Variants in PLEKHG4B observed in about 807,000 individuals in gnomAD.
PLEKHG4B encodes pleckstrin homology and RhoGEF domain containing G4B, also known as pleckstrin homology domain-containing family G member 4B.
A neutral mutation model predicts 121.3 loss-of-function variants in PLEKHG4B; 111 were observed. The observed-to-expected ratio is 0.92, with a 90% CI of 0.78 to 1.07. The LOEUF is 1.07. PLEKHG4B is among the 50% of genes least tolerant of loss of function. PLEKHG4B has a pLI of 0.00. For synonymous variants in PLEKHG4B, 738 were observed against 725.0 expected (o/e 1.02, Z -0.29); for missense variants, 1,831 against 1,757.8 (o/e 1.04, Z -0.74).
chr5:146,721 C>T (rs1006350075), intron 6 of PLEKHG4B, among the ~76,000 whole-genome samples: 1 of 140,072 alleles, frequency 7.1e-6, no homozygotes, highest in African/African-American at 2.7e-5. Flanking sequence ...CCCTGCGGCC[C>T]TCCCTTCCTC....
chr5:132,913 T>A (rs925300997), intron 2 of PLEKHG4B, among the ~76,000 whole-genome samples: 14 of 152,200 alleles, frequency 9.2e-5, no homozygotes, highest in Non-Finnish European at 1.6e-4. Context: ...GGATTGTTTT[T>A]TCTACTTCTG....
chr5:182,831 C>G lies in PLEKHG4B; in HGVS notation c.*508C>G, dbSNP rs1733461797. On this transcript the variant is annotated 3_prime_UTR_variant, in exon 20 of 20. Coordinates refer to ENST00000637938, the MANE Select transcript of PLEKHG4B (RefSeq NM_052909.5). The stretch of plus-strand genomic sequence containing the variant: ...CAGGTCAGAGTGCCAGAGAGAGATG[C>G]CTGCATGGGGAAAGACTCACCAGAT... 1 of 165,284 alleles carries G rather than the reference C, an allele frequency of 6.1e-6. No individual in the cohort carries two copies. The highest frequency in any genetic ancestry group is 1.5e-4 in the South Asian group (1 of 6,680). 10.2% of individuals were successfully genotyped at this position (165,284 alleles called of 1,614,324 possible).
rs771370975 is a variant in PLEKHG4B at position 171,158 on chromosome 5, C to T, written c.3819+26C>T. 5 of 1,608,800 alleles carry T rather than the reference C, an allele frequency of 3.1e-6. No homozygotes were observed. The Admixed American group carries it at 5.0e-5, about 16-fold the overall frequency. ...GTCATCCCCCTCGGCCCGCCCCCCA[C>T]AGCCTGCCCGGCCCTCAGCCAGGCC... On this transcript the variant is annotated intron_variant, in intron 15 of 19. Transcript: ENST00000637938.
At chr5:170,726 C>A (rs970535803) in intron 14 of PLEKHG4B, among the ~76,000 whole-genome samples, 2 of 152,168 alleles carry the variant, frequency 1.3e-5, no homozygotes, top group African/African-American at 2.4e-5. Flanking sequence ...CAATGCCCCC[C>A]ACGCCCTCCC....
rs566470722 is a variant in PLEKHG4B at position 147,148 on chromosome 5, G to A, written c.1905+2228G>A. Among the ~76,000 whole-genome samples the A allele has an allele frequency of 3.3e-5, 5 of 152,346 alleles. No homozygotes were observed. In the East Asian group the frequency reaches 7.7e-4, roughly 24 times the overall value. ...GGTCAGGAAGGAGTCACTGGGAGGA[G>A]AGAGCACAGGCCGAGGTCCAGACAA... On this transcript the variant is annotated intron_variant, in intron 6 of 19. Coordinates refer to ENST00000637938, the MANE Select transcript of PLEKHG4B (RefSeq NM_052909.5).
intron 2 of PLEKHG4B, among the ~76,000 whole-genome samples, chr5:134,765 CAA>C (rs147226236): frequency 1.4e-4 from 12 of 84,664 alleles, no homozygotes; most frequent in African/African-American, 2.1e-4. Context: ...GACTCTGTCT[CAA>C]AAAAAAAAAA....
chr5:179,433 C>T (rs1371832686), intron 18 of PLEKHG4B: 1 of 152,674 alleles, frequency 6.5e-6, no homozygotes, highest in Non-Finnish European at 1.5e-5. Context: ...CACTGTCCCA[C>T]ATGCTGAGGG....
intron 11 of PLEKHG4B, among the ~76,000 whole-genome samples, chr5:160,677 AACAGCCCTTTCT>A (rs1185372531): frequency 1.3e-5 from 2 of 152,060 alleles, no homozygotes; most frequent in Non-Finnish European, 2.9e-5. Flanking sequence ...TTATCTTTTA[AACAGCCCTTTCT>A]ACCTTAAGTT....
intron 6 of PLEKHG4B, among the ~76,000 whole-genome samples, chr5:147,126 C>T (rs1156231283): frequency 6.6e-6 from 1 of 152,164 alleles, no homozygotes; most frequent in African/African-American, 2.4e-5. Context: ...TCCCTGAGGT[C>T]AGGAAGGAGT....
At chr5:135,675 AAAAAAAAATATATATATATATATAT>A (rs1264716340) in intron 2 of PLEKHG4B, among the ~76,000 whole-genome samples, 4 of 73,170 alleles carry the variant, frequency 5.5e-5, no homozygotes, top group Admixed American at 1.5e-4. Flanking sequence ...CAAAAAAAAA[AAAAAAAAATATATATATATATATAT>A]ATATATATAT....
rs34972342 is a variant in PLEKHG4B at position 109,397 on chromosome 5, C to CAAAAAAAAAAAAAAA, written c.46-3844_46-3830dup. Among the ~76,000 whole-genome samples, 45 of 61,814 alleles carry CAAAAAAAAAAAAAAA rather than the reference C, an allele frequency of 7.3e-4. 3 individuals carry two copies. The highest frequency in any genetic ancestry group is 3.4e-3 in the African/African-American group (44 of 12,976). 40.6% of individuals were successfully genotyped at this position (61,814 alleles called of 152,430 possible). ...GGGTGACAGGGCAAGACTCTGTCTCCAAAAAAAAAAAAAAAAAAAAAAAAT... is the reference window on the plus strand; with the variant it reads ...GGGTGACAGGGCAAGACTCTGTCTCCAAAAAAAAAAAAAAAAAAAAAAAAAAAAAAAAAAAAAAAT... On this transcript the variant is annotated intron_variant, in intron 1 of 19. Coordinates refer to ENST00000637938, the MANE Select transcript of PLEKHG4B (RefSeq NM_052909.5).
chr5:135,187 CAAAAAAAAAAA>C (rs35601775), intron 2 of PLEKHG4B, among the ~76,000 whole-genome samples: 1 of 48,776 alleles, frequency 2.1e-5, no homozygotes, highest in African/African-American at 6.3e-5. Context: ...GACTCCAGCT[CAAAAAAAAAAA>C]AAAAAAAAAA....
chr5:125,203 A>C (rs1032167400), intron 2 of PLEKHG4B, among the ~76,000 whole-genome samples: 1 of 152,136 alleles, frequency 6.6e-6, no homozygotes, highest in African/African-American at 2.4e-5. Flanking sequence ...ACTGATAAAC[A>C]GGGGCTCCTG....
intron 11 of PLEKHG4B, among the ~76,000 whole-genome samples, chr5:161,263 A>G (rs912983716): frequency 1.3e-5 from 2 of 152,258 alleles, no homozygotes; most frequent in Admixed American, 6.5e-5. Flanking sequence ...CAAGGGGCCA[A>G]GCAGCCACTG....
chr5:164,566 G>GCTCACAGTAATGCTCTGAC (rs1560944821), intron 13 of PLEKHG4B, among the ~76,000 whole-genome samples: 2 of 40,702 alleles, frequency 4.9e-5, no homozygotes, highest in African/African-American at 2.3e-4. Flanking sequence ...TGCTCTGACA[G>GCTCACAGTAATGCTCTGAC]GGGGCGGAGC....
At chr5:98,359 C>G (rs1733688133) in intron 1 of PLEKHG4B, among the ~76,000 whole-genome samples, 1 of 150,020 alleles carries the variant, frequency 6.7e-6, no homozygotes, top group Admixed American at 6.6e-5. Flanking sequence ...GGGTTTGTTT[C>G]CAGACCTCAA....
chr5:110,585 T>G (rs1400952155), intron 1 of PLEKHG4B, among the ~76,000 whole-genome samples: 1 of 90,774 alleles, frequency 1.1e-5, no homozygotes, highest in Non-Finnish European at 2.1e-5. Context: ...CGCGCACACA[T>G]CCACACAATC....
intron 6 of PLEKHG4B, among the ~76,000 whole-genome samples, chr5:150,544 A>G (rs559297751): frequency 4.6e-5 from 7 of 152,220 alleles, no homozygotes; most frequent in Non-Finnish European, 1.0e-4. Context: ...CATCTGATAA[A>G]GGGCTTGTAT....
At chr5:149,434 A>C (rs1735531729) in intron 6 of PLEKHG4B, among the ~76,000 whole-genome samples, 2 of 151,880 alleles carry the variant, frequency 1.3e-5, no homozygotes, top group Admixed American at 1.3e-4. Flanking sequence ...CTAGCTACTT[A>C]AGGGTCTGAG....
Sources: gnomAD v4.1 joint callset for allele counts (sites outside exome capture counted in the v4.1 genomes callset) on GRCh38, gnomAD v4.1.1 for gene constraint, MANE v1.5 for transcripts, NCBI Gene and HGNC (gene_info 2026-07-23, HGNC 2026-07-21) for gene names.